Variants in DLC1 observed in about 807,000 individuals in gnomAD.
The protein encoded by DLC1 is rho GTPase-activating protein 7.
In DLC1, 54 loss-of-function variants were observed where a neutral mutation model predicts 140.3. That is an observed-to-expected ratio of 0.38 (90% confidence interval 0.31 to 0.48). DLC1 has a LOEUF of 0.48. Ranked by LOEUF, DLC1 falls within the 20% of genes least tolerant of loss-of-function variation. The pLI is 0.96. For synonymous variants in DLC1, 986 were observed against 728.1 expected, an observed-to-expected ratio of 1.35 and a Z score of -5.70; for missense variants, 2,536 against 1,907.0, an observed-to-expected ratio of 1.33 and a Z score of -6.14.
intron 5 of DLC1, among the ~76,000 whole-genome samples, chr8:13,130,356 C>A (rs1821977890): frequency 6.6e-6 from 1 of 152,194 alleles, no homozygotes; most frequent in African/African-American, 2.4e-5. Context: ...TTTTTAAACT[C>A]ACTTCACAGT....
intron 5 of DLC1, chr8:13,276,245 C>A (rs1563217950): frequency 5.9e-6 from 9 of 1,535,152 alleles, no homozygotes; most frequent in East Asian, 2.5e-5. Context: ...GGTCTCCAAT[C>A]CCCCTCTGCC....
intron 5 of DLC1, chr8:13,133,304 C>G (rs912137511): frequency 6.3e-5 from 79 of 1,246,036 alleles, no homozygotes; most frequent in South Asian, 1.6e-4. Context: ...CCCGCGCGCT[C>G]CGCCAGCCGG....
chr8:13,466,229 C>G (rs1222651294), intron 2 of DLC1, among the ~76,000 whole-genome samples: 1 of 152,162 alleles, frequency 6.6e-6, no homozygotes, highest in Non-Finnish European at 1.5e-5. Flanking sequence ...CAGGTCACTT[C>G]CTCTCTCTCT....
intron 4 of DLC1, among the ~76,000 whole-genome samples, chr8:13,354,386 C>T (rs759286363): frequency 2.0e-5 from 3 of 152,052 alleles, no homozygotes; most frequent in Admixed American, 6.6e-5. Context: ...CTATCCTCCT[C>T]GCCTTAGTTA....
rs563868983 is a variant in DLC1 at position 13,180,384 on chromosome 8, T to C, written c.1349-64727A>G. On this transcript the variant is annotated intron_variant, in intron 5 of 17. Coordinates refer to ENST00000276297, the MANE Select transcript of DLC1 (RefSeq NM_182643.3). ...TGGCTTATTTATCACATCCCAAATATCAAAGAAACATTAGTTAGATTGTCT... is the reference window on the plus strand; with the variant it reads ...TGGCTTATTTATCACATCCCAAATACCAAAGAAACATTAGTTAGATTGTCT... Among the ~76,000 whole-genome samples, 90 of 152,282 alleles carry C rather than the reference T, an allele frequency of 5.9e-4. 1 individual carries two copies. Among genetic ancestry groups the C allele is most frequent in the Admixed American group, 2.7e-3 (41 of 15,286 alleles).
chr8:13,169,810 G>T (rs189996315), intron 5 of DLC1, among the ~76,000 whole-genome samples: 1 of 152,010 alleles, frequency 6.6e-6, no homozygotes, highest in East Asian at 1.9e-4. Flanking sequence ...GGTTGTTTAA[G>T]GTCAAGGGGT....
chr8:13,120,356 A>AAAAAAAAAAAAATATAT, intron 5 of DLC1, among the ~76,000 whole-genome samples: 4 of 61,124 alleles, frequency 6.5e-5, no homozygotes, highest in African/African-American at 1.7e-4. Flanking sequence ...AAAAAAAAAA[A>AAAAAAAAAAAAATATAT]ATATATATAT....
intron 4 of DLC1, among the ~76,000 whole-genome samples, chr8:13,380,541 C>A (rs983129733): frequency 2.0e-5 from 3 of 152,118 alleles, no homozygotes; most frequent in African/African-American, 7.2e-5. Context: ...GTTGTATGTA[C>A]CCATCTTTAG....
intron 5 of DLC1, among the ~76,000 whole-genome samples, chr8:13,117,521 C>G (rs1327919883): frequency 6.6e-6 from 1 of 152,062 alleles, no homozygotes; most frequent in Non-Finnish European, 1.5e-5. Context: ...TATCTGTGTG[C>G]CTGCCCCCTC....
rs79039081 is a variant in DLC1, at chr8:13,360,259, G to A, written c.1314+33294C>T. 8.9e-3 allele frequency among the ~76,000 whole-genome samples: 1,360 copies of A among 152,226 alleles called. 35 individuals are homozygous for A. The highest frequency in any genetic ancestry group is 0.03 in the African/African-American group (1,259 of 41,536). On this transcript the variant is annotated intron_variant, in intron 4 of 17. Transcript: ENST00000276297. ...CTCAGTACAGAGCTCTACACAGAAC[G>A]AACACTCAATAGACCAGCCTGCACA...
At chr8:13,434,092 G>A (rs1416955574) in intron 2 of DLC1, among the ~76,000 whole-genome samples, 3 of 152,198 alleles carry the variant, frequency 2.0e-5, no homozygotes, top group Non-Finnish European at 4.4e-5. Flanking sequence ...GGACAGGCTT[G>A]TCGCGAACTT....
intron 2 of DLC1, among the ~76,000 whole-genome samples, chr8:13,465,233 C>A (rs1213063057): frequency 6.6e-6 from 1 of 152,164 alleles, no homozygotes; most frequent in Non-Finnish European, 1.5e-5. Context: ...TCCTGGAGAA[C>A]AAAATCGAGT....
At chr8:13,102,438 A>G (rs1429448821) in intron 8 of DLC1, among the ~76,000 whole-genome samples, 1 of 152,200 alleles carries the variant, frequency 6.6e-6, no homozygotes, top group Non-Finnish European at 1.5e-5. Flanking sequence ...GGAAGACAGA[A>G]GAGTTGGAAA....
intron 2 of DLC1, among the ~76,000 whole-genome samples, chr8:13,421,856 G>A (rs1036554274): frequency 2.6e-5 from 4 of 152,002 alleles, no homozygotes; most frequent in South Asian, 2.1e-4. Context: ...AATCTCTCTG[G>A]CACAGGGAAC....
intron 1 of DLC1, among the ~76,000 whole-genome samples, chr8:13,586,493 T>A (rs1805316430): frequency 2.6e-5 from 4 of 151,896 alleles, no homozygotes; most frequent in Admixed American, 2.6e-4. Context: ...GGGGAGAGCA[T>A]AGTAATTTCT....
At chr8:13,461,444 C>T (rs1233089579) in intron 2 of DLC1, among the ~76,000 whole-genome samples, 2 of 152,206 alleles carry the variant, frequency 1.3e-5, no homozygotes, top group Admixed American at 6.5e-5. Context: ...CTGACCCCTT[C>T]TGTCCTTGCC....
chr8:13,137,029 C>G (rs1388935969), intron 5 of DLC1, among the ~76,000 whole-genome samples: 1 of 152,150 alleles, frequency 6.6e-6, no homozygotes, highest in Non-Finnish European at 1.5e-5. Context: ...ATTATTAGAA[C>G]TAAAACATGA....
At chr8:13,332,237 C>G (rs527409709) in intron 4 of DLC1, among the ~76,000 whole-genome samples, 2 of 152,114 alleles carry the variant, frequency 1.3e-5, no homozygotes, top group Admixed American at 6.5e-5. Flanking sequence ...GCGAATAAAG[C>G]GTAATGAACA....
chr8:13,318,305 A>G (rs1022055886), intron 4 of DLC1, among the ~76,000 whole-genome samples: 5 of 150,944 alleles, frequency 3.3e-5, no homozygotes, highest in African/African-American at 4.9e-5. Flanking sequence ...AAGTTCTGGG[A>G]TTACTGGCAT....
Sources: allele counts gnomAD v4.1 joint callset (sites outside exome capture counted in the v4.1 genomes callset), GRCh38; gene constraint gnomAD v4.1.1; transcripts MANE v1.5; gene names NCBI Gene and HGNC (gene_info 2026-07-23, HGNC 2026-07-21).